The following GRIN2B variants were observed in gnomAD, a reference collection of about 807,000 sequenced individuals.
GRIN2B encodes the protein glutamate ionotropic receptor NMDA type subunit 2B.
A neutral mutation model predicts 114.5 loss-of-function variants in GRIN2B; 5 were observed. The ratio of observed to expected loss-of-function variants is 0.04; its 90% CI spans 0.02 to 0.09. The LOEUF (loss-of-function observed/expected upper bound fraction) is 0.09, where lower values mean the gene tolerates loss of function less well. Ranked by LOEUF, GRIN2B falls within the 10% of genes least tolerant of loss-of-function variation. The probability of loss-of-function intolerance (pLI) is 1.00; values close to 1 mark genes in which losing one functional copy is unlikely to be tolerated. For synonymous variants in GRIN2B, 787 were observed against 745.1 expected, an observed-to-expected ratio of 1.06 and a Z score of -0.92; for missense variants, 1,108 against 1,943.5, an observed-to-expected ratio of 0.57 and a Z score of 8.08.
chr12:13,811,317 G>T (rs549395743), intron 3 of GRIN2B, among the ~76,000 whole-genome samples: 23 of 152,092 alleles, frequency 1.5e-4, no homozygotes, highest in Non-Finnish European at 2.5e-4. Flanking sequence ...CCAGGTTTTG[G>T]TTTTTTTTGG....
At chr12:13,857,667 T>G (rs1865685950) in intron 3 of GRIN2B, among the ~76,000 whole-genome samples, 1 of 152,122 alleles carries the variant, frequency 6.6e-6, no homozygotes, top group South Asian at 2.1e-4. Context: ...GGATGTCACT[T>G]CCTTTGAGAC....
chr12:13,904,218 T>C (rs1866502616), intron 2 of GRIN2B, among the ~76,000 whole-genome samples: 1 of 152,070 alleles, frequency 6.6e-6, no homozygotes, highest in South Asian at 2.1e-4. Context: ...TCTTCTTCTT[T>C]CTCTCTTTCT....
chr12:13,785,299 C>A (rs924504918), intron 3 of GRIN2B, among the ~76,000 whole-genome samples: 1 of 152,184 alleles, frequency 6.6e-6, no homozygotes, highest in Non-Finnish European at 1.5e-5. Context: ...TAAGGGTTAT[C>A]TTGATAAAAC....
chr12:13,923,902 T>G (rs1866868687), intron 2 of GRIN2B, among the ~76,000 whole-genome samples: 1 of 152,194 alleles, frequency 6.6e-6, no homozygotes, highest in Non-Finnish European at 1.5e-5. Context: ...ACAACTCACC[T>G]ACATTGCTTT....
intron 2 of GRIN2B, among the ~76,000 whole-genome samples, chr12:13,951,233 T>G (rs772067438): frequency 7.2e-5 from 11 of 152,178 alleles, no homozygotes; most frequent in African/African-American, 1.4e-4. Flanking sequence ...TCTAATTCAC[T>G]AAATCTGACA....
intron 3 of GRIN2B, among the ~76,000 whole-genome samples, chr12:13,785,199 C>T (rs888003411): frequency 2.6e-5 from 4 of 152,220 alleles, no homozygotes; most frequent in South Asian, 2.1e-4. Flanking sequence ...TTAATAAATT[C>T]CTCATTTATT....
intron 9 of GRIN2B, among the ~76,000 whole-genome samples, chr12:13,610,372 T>C (rs1218862777): frequency 1.3e-5 from 2 of 152,220 alleles, no homozygotes; most frequent in East Asian, 3.8e-4. Context: ...TTTCGGCTCC[T>C]GTTATTTTTT....
At chr12:13,972,137 A>T (rs1166251817) in intron 2 of GRIN2B, among the ~76,000 whole-genome samples, 1 of 152,228 alleles carries the variant, frequency 6.6e-6, no homozygotes, top group Admixed American at 6.5e-5. Context: ...TTAAATGACC[A>T]TCGCCTGAAT....
In GRIN2B at chr12:13,564,118, G is replaced by A. The variant is rs750257721; in HGVS notation, c.3120C>T (p.Gly1040=). The change falls in exon 14 of 14, where the codon GGC becomes GGT. Residue 1040 remains glycine, a synonymous_variant. Transcript: ENST00000609686. This position sits in a 1 kb window ranked among gnomAD's most constrained non-coding sequence, Gnocchi z 4.8. Reference sequence around the variant, plus strand: ...AGCGGTCGCTCTTGAAGGAGAATTTGCCGTACAGGTCACTGAGCTGGCTGT... The same window carrying A: ...AGCGGTCGCTCTTGAAGGAGAATTTACCGTACAGGTCACTGAGCTGGCTGT... ...SKHSQLSDLY[G]KFSFKSDRYS... 3 of 1,614,172 alleles carry A rather than the reference G, an allele frequency of 1.9e-6. No homozygotes were observed. Among genetic ancestry groups the A allele is most frequent in the South Asian group, 2.2e-5 (2 of 91,074 alleles).
intron 5 of GRIN2B, among the ~76,000 whole-genome samples, chr12:13,648,303 G>A (rs1427961058): frequency 6.6e-6 from 1 of 152,050 alleles, no homozygotes; most frequent in East Asian, 1.9e-4. Context: ...CACAGGGTGA[G>A]TTTTACATAG....
intron 2 of GRIN2B, among the ~76,000 whole-genome samples, chr12:13,934,676 G>A (rs1591629957): frequency 6.9e-6 from 1 of 144,070 alleles, no homozygotes; most frequent in Non-Finnish European, 1.5e-5. Context: ...TGGCCATCAC[G>A]TACAACTTCA....
chr12:13,900,973 C>T (rs1866439891), intron 2 of GRIN2B, among the ~76,000 whole-genome samples: 1 of 152,054 alleles, frequency 6.6e-6, no homozygotes. Flanking sequence ...CAACTTGGGG[C>T]AATTCTGACA....
chr12:13,934,078 C>G (rs1867085962), intron 2 of GRIN2B, among the ~76,000 whole-genome samples: 1 of 152,206 alleles, frequency 6.6e-6, no homozygotes, highest in African/African-American at 2.4e-5. Flanking sequence ...TTTTCTGTAG[C>G]ATTTAGCCTA....
intron 2 of GRIN2B, among the ~76,000 whole-genome samples, chr12:13,887,807 C>A (rs1484859050): frequency 2.0e-5 from 3 of 152,192 alleles, no homozygotes; most frequent in African/African-American, 7.2e-5. Flanking sequence ...AGCTCTTAGG[C>A]ATTTACTTCT....
chr12:13,563,148 G>T lies in GRIN2B; in HGVS notation c.4090C>A (p.His1364Asn). The T allele has an allele frequency of 6.2e-7, 1 of 1,614,208 alleles. No homozygotes were observed. Among genetic ancestry groups the T allele is most frequent in the Middle Eastern group, 1.6e-4 (1 of 6,062 alleles). ...ATGTACCCGCCGCCGGGGTTGTTGT[G>T]GTGGTGATGTCCGGCAGTGGGCACT... ...SSVPTAGHHH[H>N]NNPGGGYMLS... The change falls in exon 14 of 14, where the codon CAC becomes AAC. Residue 1364 changes from histidine to asparagine, a missense_variant. Around this residue, in one of 19 missense-constraint regions of GRIN2B, gnomAD observed 478 missense variants for 506.0 expected, o/e 0.94. Transcript: ENST00000609686.
intron 8 of GRIN2B, among the ~76,000 whole-genome samples, chr12:13,612,313 T>C (rs971606646): frequency 6.6e-6 from 1 of 152,194 alleles, no homozygotes; most frequent in African/African-American, 2.4e-5. Flanking sequence ...TATTTTAGAG[T>C]TGAATTTGTT....
chr12:13,698,604 A>G (rs1173426280), intron 4 of GRIN2B, among the ~76,000 whole-genome samples: 1 of 152,218 alleles, frequency 6.6e-6, no homozygotes, highest in East Asian at 1.9e-4. Context: ...TATTACTTTT[A>G]TGTACAGAAA....
chr12:13,631,453 TGCCTTGAAACTA>T (rs1949615088), intron 5 of GRIN2B, among the ~76,000 whole-genome samples: 1 of 152,074 alleles, frequency 6.6e-6, no homozygotes, highest in South Asian at 2.1e-4. Flanking sequence ...TTTGTGGAAG[TGCCTTGAAACTA>T]GCTACTCCCT....
In GRIN2B at chr12:13,562,928, G is replaced by A. The variant is rs1948567394; in HGVS notation, c.4310C>T (p.Ala1437Val). 1 of 1,614,192 alleles carries A rather than the reference G, an allele frequency of 6.2e-7. No homozygotes were observed. The highest frequency in any genetic ancestry group is 2.2e-5 in the East Asian group (1 of 44,880). ...NKPVVSALHG[A>V]VPARFQKDIC... ...GTCCTTCTGGAAACGGGCTGGCACG[G>A]CCCCATGAAGGGCCGAGACCACCGG... is the stretch of plus-strand genomic sequence containing the variant. The change falls in exon 14 of 14, where the codon GCC (alanine) becomes GTC (valine). Residue 1437 changes from alanine to valine, a missense_variant. Ala to Val is a moderately conservative substitution (Grantham distance 64). Around this residue, in one of 19 missense-constraint regions of GRIN2B, gnomAD observed 478 missense variants for 506.0 expected, o/e 0.94. Coordinates refer to ENST00000609686, the MANE Select transcript of GRIN2B (RefSeq NM_000834.5).
Sources: gnomAD v4.1 joint callset for allele counts (sites outside exome capture counted in the v4.1 genomes callset) on GRCh38, gnomAD v4.1.1 for gene constraint, gnomAD v4.1.1 regional missense constraint, Gnocchi (gnomAD v3.1) non-coding constraint, MANE v1.5 for transcripts, NCBI Gene and HGNC (gene_info 2026-07-23, HGNC 2026-07-21) for gene names.